The following LHFPL3 variants were observed in gnomAD, a reference collection of about 807,000 sequenced individuals.
The protein encoded by LHFPL3 is LHFPL tetraspan subfamily member 3, also known as LHFPL tetraspan subfamily member 3 protein.
In LHFPL3, 5 loss-of-function variants were observed where a neutral mutation model predicts 19.3. The ratio of observed to expected loss-of-function variants is 0.26; its 90% CI spans 0.14 to 0.54. The LOEUF (loss-of-function observed/expected upper bound fraction) is 0.54. Among genes scored for constraint, LHFPL3 ranks in the 20% least tolerant of loss-of-function variants. The probability of loss-of-function intolerance (pLI) is 0.94; values close to 1 mark genes in which losing one functional copy is unlikely to be tolerated. For synonymous variants in LHFPL3, 133 were observed against 126.2 expected (o/e 1.05, Z -0.36); for missense variants, 249 against 307.4 (o/e 0.81, Z 1.42).
At chr7:104,366,981 A>T (rs1790506856) in intron 1 of LHFPL3, among the ~76,000 whole-genome samples, 1 of 152,198 alleles carries the variant, frequency 6.6e-6, no homozygotes. Flanking sequence ...GTTGTTAATT[A>T]TATAGTTATG....
At chr7:104,569,096 C>T (rs1166875015) in intron 1 of LHFPL3, among the ~76,000 whole-genome samples, 3 of 152,068 alleles carry the variant, frequency 2.0e-5, no homozygotes, top group African/African-American at 7.2e-5. Context: ...AGTGTTCTAG[C>T]TCTGGATAGA....
chr7:104,766,355 G>T (rs1370453248), intron 2 of LHFPL3, among the ~76,000 whole-genome samples: 1 of 152,214 alleles, frequency 6.6e-6, no homozygotes, highest in Non-Finnish European at 1.5e-5. Flanking sequence ...CTCTTAGAAA[G>T]TCCAGCCACT....
chr7:104,398,478 G>C (rs1299580139), intron 1 of LHFPL3, among the ~76,000 whole-genome samples: 1 of 152,128 alleles, frequency 6.6e-6, no homozygotes. Flanking sequence ...AATGGAACTA[G>C]GGCAAAGAGA....
At chr7:104,647,084 G>C (rs1000730933) in intron 1 of LHFPL3, among the ~76,000 whole-genome samples, 3 of 152,192 alleles carry the variant, frequency 2.0e-5, no homozygotes, top group African/African-American at 7.2e-5. Context: ...AGTCTCAAGG[G>C]CAGCCTGAAT....
intron 1 of LHFPL3, among the ~76,000 whole-genome samples, chr7:104,533,184 A>G (rs555573131): frequency 1.5e-3 from 236 of 152,322 alleles, no homozygotes; most frequent in Middle Eastern, 3.4e-3. Context: ...AATGGACATT[A>G]CCTTGACCTC....
intron 1 of LHFPL3, among the ~76,000 whole-genome samples, chr7:104,580,763 G>T (rs984927854): frequency 2.0e-5 from 3 of 151,806 alleles, no homozygotes; most frequent in Middle Eastern, 3.2e-3. Flanking sequence ...GATTAGATTT[G>T]CTTGCTGTAA....
At chr7:104,667,716 A>C in intron 1 of LHFPL3, 1 of 1,462,240 alleles carries the variant, frequency 6.8e-7, no homozygotes, top group South Asian at 1.2e-5. Flanking sequence ...GAGTACTTAA[A>C]GAAATACAAG....
At chr7:104,615,515 C>T (rs575515428) in intron 1 of LHFPL3, among the ~76,000 whole-genome samples, 166 of 152,210 alleles carry the variant, frequency 1.1e-3, no homozygotes, top group Non-Finnish European at 2.0e-3. Flanking sequence ...CTCCTAAATT[C>T]GGTGATTCAG....
intron 1 of LHFPL3, among the ~76,000 whole-genome samples, chr7:104,715,192 G>A (rs1793364482): frequency 6.6e-6 from 1 of 152,168 alleles, no homozygotes; most frequent in East Asian, 1.9e-4. Flanking sequence ...TAACCTGAAC[G>A]ACAGAGCAAG....
intron 1 of LHFPL3, among the ~76,000 whole-genome samples, chr7:104,386,025 A>G (rs962364320): frequency 1.3e-5 from 2 of 152,110 alleles, no homozygotes; most frequent in Admixed American, 1.3e-4. Context: ...GCGTTTATTC[A>G]AGAAATATCG....
At chr7:104,515,662 C>T (rs1793906838) in intron 1 of LHFPL3, among the ~76,000 whole-genome samples, 1 of 152,118 alleles carries the variant, frequency 6.6e-6, no homozygotes, top group South Asian at 2.1e-4. Context: ...GTGTTCCATT[C>T]CAACTAGAAG....
At chr7:104,864,889 T>A (rs968107043) in intron 2 of LHFPL3, among the ~76,000 whole-genome samples, 1 of 152,178 alleles carries the variant, frequency 6.6e-6, no homozygotes, top group Non-Finnish European at 1.5e-5. Context: ...TCCAGAGGAA[T>A]GATCAGGCAG....
intron 1 of LHFPL3, among the ~76,000 whole-genome samples, chr7:104,390,761 T>C (rs1791049788): frequency 6.6e-6 from 1 of 152,242 alleles, no homozygotes; most frequent in South Asian, 2.1e-4. Context: ...ATCTCCACAC[T>C]GTCTTCCACA....
chr7:104,755,582 C>CTACACA (rs1562983812), intron 2 of LHFPL3, among the ~76,000 whole-genome samples: 1 of 150,486 alleles, frequency 6.6e-6, no homozygotes, highest in Non-Finnish European at 1.5e-5. Context: ...CCCAACACCA[C>CTACACA]CACACACACA....
chr7:104,599,422 T>A (rs1790922899), intron 1 of LHFPL3, among the ~76,000 whole-genome samples: 1 of 152,174 alleles, frequency 6.6e-6, no homozygotes, highest in African/African-American at 2.4e-5. Flanking sequence ...GGGGTAGAAG[T>A]AATAGAACAA....
chr7:104,472,589 G>T (rs544702145), intron 1 of LHFPL3, among the ~76,000 whole-genome samples: 1 of 152,238 alleles, frequency 6.6e-6, no homozygotes, highest in South Asian at 2.1e-4. Flanking sequence ...GTATGTGCGT[G>T]AGTATTTGCA....
intron 1 of LHFPL3, among the ~76,000 whole-genome samples, chr7:104,736,211 G>T (rs1793813854): frequency 1.3e-5 from 2 of 152,120 alleles, no homozygotes; most frequent in Admixed American, 1.3e-4. Flanking sequence ...TTTTCATAGT[G>T]ATTCAAAGTC....
intron 1 of LHFPL3, among the ~76,000 whole-genome samples, chr7:104,567,405 C>A (rs1249781381): frequency 6.6e-6 from 1 of 152,076 alleles, no homozygotes; most frequent in African/African-American, 2.4e-5. Context: ...TTTGGATATA[C>A]CCATGTGTTT....
At chr7:104,407,629 C>T (rs1368714741) in intron 1 of LHFPL3, among the ~76,000 whole-genome samples, 1 of 152,192 alleles carries the variant, frequency 6.6e-6, no homozygotes, top group Admixed American at 6.5e-5. Context: ...GCACTCCAGC[C>T]TGGGCGACAA....
Sources: gnomAD v4.1 joint callset for allele counts (sites outside exome capture counted in the v4.1 genomes callset) on GRCh38, gnomAD v4.1.1 for gene constraint, MANE v1.5 for transcripts, NCBI Gene and HGNC (gene_info 2026-07-23, HGNC 2026-07-21) for gene names.